Variants in RFX7 observed in about 807,000 individuals in gnomAD.
RFX7 encodes regulatory factor X7, also known as DNA-binding protein RFX7.
RFX7 carries 26 observed loss-of-function variants against 111.8 expected under a neutral mutation model. The observed-to-expected ratio is 0.23, with a 90% CI of 0.17 to 0.32. RFX7 has a LOEUF of 0.32. RFX7 is among the 10% of genes least tolerant of loss of function. RFX7 has a pLI of 1.00. For missense variants in RFX7, 1,573 were observed against 1,772.9 expected (o/e 0.89, Z 2.02); for synonymous variants, 624 against 624.4 (o/e 1.00, Z 0.01).
chr15:56,107,001 A>G (rs1273200168), intron 5 of RFX7, among the ~76,000 whole-genome samples: 1 of 152,008 alleles, frequency 6.6e-6, no homozygotes, highest in East Asian at 1.9e-4. Context: ...GATCACTAAC[A>G]CTCTAATGTC....
chr15:56,181,235 C>T (rs1003957546), intron 2 of RFX7, among the ~76,000 whole-genome samples: 3 of 152,196 alleles, frequency 2.0e-5, no homozygotes, highest in African/African-American at 7.2e-5. Context: ...AGGAGTGGGC[C>T]CTGCACTGGC....
At chr15:56,206,823 T>TGA (rs546334420) in intron 2 of RFX7, among the ~76,000 whole-genome samples, 55 of 133,022 alleles carry the variant, frequency 4.1e-4, no homozygotes, top group African/African-American at 1.5e-3. Flanking sequence ...GGGGAGAAAG[T>TGA]GAGAGAGAGA....
intron 2 of RFX7, among the ~76,000 whole-genome samples, chr15:56,190,140 A>C (rs2043085587): frequency 6.6e-6 from 1 of 152,230 alleles, no homozygotes; most frequent in Non-Finnish European, 1.5e-5. Flanking sequence ...AGATAAAATT[A>C]ATCCATGGTA....
intron 5 of RFX7, among the ~76,000 whole-genome samples, chr15:56,133,519 C>A (rs1407942250): frequency 6.6e-6 from 1 of 152,038 alleles, no homozygotes; most frequent in South Asian, 2.1e-4. Context: ...ATTGAGAACA[C>A]AGAATGATCA....
At chr15:56,134,416 T>A (rs939768661) in intron 5 of RFX7, among the ~76,000 whole-genome samples, 1 of 152,080 alleles carries the variant, frequency 6.6e-6, no homozygotes, top group African/African-American at 2.4e-5. Flanking sequence ...TTAGTGAAAT[T>A]TTTTGAACTA....
intron 3 of RFX7, among the ~76,000 whole-genome samples, chr15:56,165,981 A>G (rs897684929): frequency 5.3e-5 from 8 of 152,158 alleles, no homozygotes; most frequent in African/African-American, 1.9e-4. Flanking sequence ...GGCTCACTGC[A>G]GCCTTTGACC....
At chr15:56,147,231 C>G (rs2042489671) in intron 3 of RFX7, among the ~76,000 whole-genome samples, 1 of 152,128 alleles carries the variant, frequency 6.6e-6, no homozygotes, top group African/African-American at 2.4e-5. Context: ...ACTTCATAAA[C>G]TTTAAAAATT....
intron 5 of RFX7, among the ~76,000 whole-genome samples, chr15:56,136,563 C>G (rs1398293428): frequency 1.4e-5 from 2 of 147,766 alleles, no homozygotes; most frequent in Non-Finnish European, 3.0e-5. Flanking sequence ...CGTCTGCAAA[C>G]AGGGACAATT....
chr15:56,235,416 C>T (rs760889891), intron 2 of RFX7, among the ~76,000 whole-genome samples: 6 of 151,984 alleles, frequency 3.9e-5, no homozygotes, highest in African/African-American at 7.3e-5. Flanking sequence ...CCTCATGATC[C>T]GCCCACCTCG....
rs769767055 is a variant in RFX7 at position 56,093,582 on chromosome 15, G to A, written c.4146C>T (p.Ser1382=). Reference sequence around the variant, plus strand: ...AGAGCTCAGAAGACAACCTGATATCGCTAGAGAAATCAGATGCAGTATTAG... The same window carrying A: ...AGAGCTCAGAAGACAACCTGATATCACTAGAGAAATCAGATGCAGTATTAG... The part of the protein sequence containing the change: ...DLTNTASDFS[S]DIRLSSELSG... Residue 1382 remains serine (S), a synonymous_variant, in exon 10 of 10, where the codon AGC becomes AGT. Coordinates refer to ENST00000559447, the MANE Select transcript of RFX7 (RefSeq NM_022841.7). 17 of 1,613,640 alleles carry A rather than the reference G, an allele frequency of 1.1e-5. No individual in the cohort carries two copies. The highest frequency in any genetic ancestry group is 9.3e-6 in the Non-Finnish European group (11 of 1,179,678).
At chr15:56,137,249 C>A (rs28868639) in intron 5 of RFX7, among the ~76,000 whole-genome samples, 3,836 of 152,094 alleles carry the variant, frequency 0.025, 132 homozygotes, top group African/African-American at 0.078. Context: ...TGGTCCTGGA[C>A]TCTTTTTGGT....
intron 3 of RFX7, among the ~76,000 whole-genome samples, chr15:56,145,768 C>A (rs895339318): frequency 1.3e-5 from 2 of 152,180 alleles, no homozygotes; most frequent in African/African-American, 4.8e-5. Context: ...CCATCTTCTT[C>A]CAGTCTCGAT....
chr15:56,219,044 G>C (rs1316177742), intron 2 of RFX7, among the ~76,000 whole-genome samples: 1 of 152,102 alleles, frequency 6.6e-6, no homozygotes, highest in Admixed American at 6.6e-5. Context: ...AATACCTTCT[G>C]GGGTTTATTA....
At chr15:56,096,741 A>T (rs903546137) in intron 9 of RFX7, 121 bp from the exon 10 acceptor site, 10 of 1,101,010 alleles carry the variant, frequency 9.1e-6, no homozygotes, top group Admixed American at 2.9e-5. Flanking sequence ...AAAAGTTCCT[A>T]TGTTAGAAGA....
At chr15:56,107,906 C>T (rs1023828147) in intron 5 of RFX7, among the ~76,000 whole-genome samples, 11 of 152,126 alleles carry the variant, frequency 7.2e-5, no homozygotes, top group African/African-American at 2.7e-4. Flanking sequence ...ATACAACTAC[C>T]ATCAGAGAAT....
In RFX7 at chr15:56,094,361, G is replaced by A; in HGVS notation, c.3367C>T (p.Pro1123Ser). The stretch of plus-strand genomic sequence containing the variant: ...CCTTGATGCTGCACAGGAGAGACAG[G>A]AGTCAAACGACCAAAATGAGTGTCA... ...HHDTHFGRLT[P>S]VSPVQHQGAT... The change falls in exon 10 of 10, where the codon CCT becomes TCT. Residue 1123 changes from proline to serine, a missense_variant. Transcript: ENST00000559447. 1 of 1,613,936 alleles carries A rather than the reference G, an allele frequency of 6.2e-7. No homozygotes were observed. Among genetic ancestry groups the A allele is most frequent in the South Asian group, 1.1e-5 (1 of 91,068 alleles).
At chr15:56,175,104 G>C (rs2042889622) in intron 3 of RFX7, among the ~76,000 whole-genome samples, 1 of 152,088 alleles carries the variant, frequency 6.6e-6, no homozygotes, top group South Asian at 2.1e-4. Flanking sequence ...GATTTAATAG[G>C]TGAATGTAGC....
At chr15:56,102,035 T>C (rs1474635076) in intron 7 of RFX7, 134 bp downstream of exon 7, 5 of 659,670 alleles carry the variant, frequency 7.6e-6, no homozygotes, top group African/African-American at 7.3e-5. Flanking sequence ...TTTCAGCCAC[T>C]GTGTGATTTT....
intron 5 of RFX7, among the ~76,000 whole-genome samples, chr15:56,120,527 T>G (rs576890933): frequency 5.3e-5 from 8 of 152,328 alleles, no homozygotes; most frequent in Admixed American, 2.0e-4. Context: ...TAGTACTATT[T>G]GAATAAAAGT....
Sources: gnomAD v4.1 joint callset for allele counts (sites outside exome capture counted in the v4.1 genomes callset) on GRCh38, gnomAD v4.1.1 for gene constraint, MANE v1.5 for transcripts, NCBI Gene and HGNC (gene_info 2026-07-23, HGNC 2026-07-21) for gene names.